DLL3: variants seen among roughly 807,000 people sequenced by gnomAD.
DLL3 encodes delta like canonical Notch ligand 3, also known as delta-like protein 3.
In DLL3, 49 loss-of-function variants were observed where a neutral mutation model predicts 55.0. That is an observed-to-expected ratio of 0.89 (90% CI 0.71 to 1.13). The LOEUF is 1.13. DLL3 is among the 50% of genes most tolerant of loss of function. DLL3 has a pLI of 0.00. For synonymous variants in DLL3, 421 were observed against 385.2 expected (o/e 1.09, Z -1.09); for missense variants, 962 against 875.5 (o/e 1.10, Z -1.25).
In DLL3 at chr19:39,500,023, C is replaced by T. The variant is rs896334377; in HGVS notation, c.351+550C>T. ...TTTTGGACAAGTGACTGCCTGGTTT[C>T]CAGCCTCAGTTTCCTAAGCTTAAAA... On this transcript the variant is annotated intron_variant, in intron 2 of 8. Coordinates refer to ENST00000356433, the MANE Select transcript of DLL3 (RefSeq NM_203486.3). Among the ~76,000 whole-genome samples, 4 of 152,198 alleles carry T rather than the reference C, an allele frequency of 2.6e-5. No homozygotes were observed. The East Asian group carries it at 7.7e-4, about 29-fold the overall frequency.
intron 6 of DLL3, among the ~76,000 whole-genome samples, chr19:39,506,640 G>A (rs932863719): frequency 6.6e-6 from 1 of 152,022 alleles, no homozygotes; most frequent in Non-Finnish European, 1.5e-5. Flanking sequence ...GGAGGAAGGA[G>A]CATCGGAGTA....
At chr19:39,503,172 T>A in intron 4 of DLL3, 115 bp downstream of exon 4, 1 of 1,150,844 alleles carries the variant, frequency 8.7e-7, no homozygotes, top group Non-Finnish European at 1.2e-6. Context: ...CAGGGTACTC[T>A]AGAGTCCCCC....
chr19:39,504,667 T>C (rs980355697), intron 5 of DLL3, among the ~76,000 whole-genome samples: 1 of 152,096 alleles, frequency 6.6e-6, no homozygotes. Context: ...AGAGAAGGCT[T>C]CCTGGAGGTG....
chr19:39,502,608 C>A (rs185307843), intron 3 of DLL3, among the ~76,000 whole-genome samples: 1 of 152,244 alleles, frequency 6.6e-6, no homozygotes, highest in East Asian at 1.9e-4. Context: ...CACGACATTG[C>A]AGGTCCCAGG....
chr19:39,504,604 G>C (rs1162581527), intron 5 of DLL3, among the ~76,000 whole-genome samples: 1 of 152,126 alleles, frequency 6.6e-6, no homozygotes, highest in African/African-American at 2.4e-5. Flanking sequence ...GTGGGTGGTG[G>C]GGCCAAATAG....
intron 5 of DLL3, 105 bp downstream of exon 5, chr19:39,504,393 G>T: frequency 7.7e-7 from 1 of 1,296,616 alleles, no homozygotes; most frequent in East Asian, 2.4e-5. Context: ...GGAGATCTGG[G>T]AATAACTATC....
Position 39,503,062 on chromosome 19 carries a change from G to GT in DLL3, c.652+6dup. Reference sequence around the variant, plus strand: ...AGGACGAATGTGAGGCGCCGCGTGAGTCCTGCGTTCGACCCCACCCCGTCC... The same window carrying GT: ...AGGACGAATGTGAGGCGCCGCGTGAGTTCCTGCGTTCGACCCCACCCCGTCC... On this transcript the variant is annotated splice_donor_region_variant and intron_variant, in intron 4 of 8. Coordinates refer to ENST00000356433, the MANE Select transcript of DLL3 (RefSeq NM_203486.3). The GT allele has an allele frequency of 2.0e-6, 3 of 1,522,838 alleles. No homozygotes were observed. Among genetic ancestry groups the GT allele is most frequent in the Non-Finnish European group, 2.6e-6 (3 of 1,141,976 alleles). The allele number at this position is 1,522,838 out of a possible 1,614,324, so 94.3% of individuals were successfully genotyped here. A position where few individuals can be genotyped will look rare whatever the true frequency, so the allele number is the denominator to read the frequency against.
chr19:39,499,418 C>T lies in DLL3; in HGVS notation c.296C>T (p.Pro99Leu). 4 of 1,589,422 alleles carry T rather than the reference C, an allele frequency of 2.5e-6. No individual in the cohort carries two copies. Among genetic ancestry groups the T allele is most frequent in the Non-Finnish European group, 2.6e-6 (3 of 1,175,508 alleles). The stretch of plus-strand genomic sequence containing the variant: ...ACCGAGCAGCCCGGAGCGCCCGCGC[C>T]TGATCTCCCACTGCCCGACGGCCTC... ...VYTEQPGAPA[P>L]DLPLPDGLLQ... The change falls in exon 2 of 9, where the codon CCT (proline) becomes CTT (leucine). Residue 99 changes from proline (P) to leucine (L), a missense_variant. Transcript: ENST00000356433.
chr19:39,506,244 TTAAG>T (rs1352970072), intron 6 of DLL3, among the ~76,000 whole-genome samples: 20 of 100,996 alleles, frequency 2.0e-4, no homozygotes, highest in African/African-American at 6.9e-4. Flanking sequence ...AAAAAAAAGA[TTAAG>T]TAAGATCATG....
Position 39,507,732 on chromosome 19 carries a change from C to T in DLL3, c.1674-98C>T, listed in dbSNP as rs1016637692. On this transcript the variant is annotated intron_variant, in intron 7 of 8. Transcript: ENST00000356433. Reference sequence around the variant, plus strand: ...TTTCCCTGGTCGGTCTCTCTTACCCCGGTAGCTGGTTTTGGGTTCCCCTTT... The same window carrying T: ...TTTCCCTGGTCGGTCTCTCTTACCCTGGTAGCTGGTTTTGGGTTCCCCTTT... 12 of 1,601,452 alleles carry T rather than the reference C, an allele frequency of 7.5e-6. No individual in the cohort carries two copies. In the African/African-American group the frequency reaches 1.5e-4, roughly 20 times the overall value.
intron 3 of DLL3, among the ~76,000 whole-genome samples, 178 bp from the exon 4 acceptor site, chr19:39,502,637 A>T (rs2079615853): frequency 1.3e-5 from 2 of 152,164 alleles, no homozygotes; most frequent in African/African-American, 4.8e-5. Context: ...GGGAGTTCGC[A>T]GCCTTGCTAA....
At chr19:39,502,391 T>G (rs932098236) in intron 3 of DLL3, among the ~76,000 whole-genome samples, 16 of 151,344 alleles carry the variant, frequency 1.1e-4, no homozygotes, top group Non-Finnish European at 1.6e-4. Flanking sequence ...GCCTCCCGAG[T>G]AGATGGGATT....
At chr19:39,501,038 C>T (rs931471917) in intron 3 of DLL3, among the ~76,000 whole-genome samples, 1 of 151,352 alleles carries the variant, frequency 6.6e-6, no homozygotes, top group Admixed American at 6.6e-5. Flanking sequence ...CTTGCTCTGT[C>T]GTCCAGGCTG....
chr19:39,508,206 GCAGAGGGGCAGCCTCT>G, intron 8 of DLL3, 30 bp from the exon 9 acceptor site: 1 of 1,614,082 alleles, frequency 6.2e-7, no homozygotes, highest in Non-Finnish European at 8.5e-7. Context: ...GGCAGGGGAG[GCAGAGGGGCAGCCTCT>G]CTAATGCTTC....
At chr19:39,502,739 T>G in intron 3 of DLL3, 76 bp from the exon 4 acceptor site, 1 of 1,283,548 alleles carries the variant, frequency 7.8e-7, no homozygotes, top group African/African-American at 1.6e-5. Context: ...GCGGGGAGAA[T>G]GCGGCCGGGG....
chr19:39,503,122 C>T, intron 4 of DLL3, 65 bp downstream of exon 4: 4 of 1,480,264 alleles, frequency 2.7e-6, no homozygotes, highest in Non-Finnish European at 3.6e-6. Context: ...GAGCGTCACT[C>T]GCGGCCCCCA....
Position 39,507,160 on chromosome 19 carries a change from G to C in DLL3, c.1215G>C (p.Thr405=). The change falls in exon 7 of 9, where the codon ACG becomes ACC. Residue 405 remains threonine (T), a synonymous_variant. Coordinates refer to ENST00000356433, the MANE Select transcript of DLL3 (RefSeq NM_203486.3). ...GCCGCGCCTGCGCTAACGGCGGCAC[G>C]TGTGTGGAGGGCGGCGGCGCGCACC... ...CAGRACANGG[T]CVEGGGAHRC... 2 of 1,434,648 alleles carry C rather than the reference G, an allele frequency of 1.4e-6. No homozygotes were observed. The highest frequency in any genetic ancestry group is 1.4e-5 in the South Asian group (1 of 70,582). The allele number at this position is 1,434,648 out of a possible 1,614,324, so 88.9% of individuals were successfully genotyped here.
At position 39,499,059 on chromosome 19, in the gene DLL3, G is replaced by C; in HGVS notation, c.69+16G>C. 6.2e-7 allele frequency: 1 copy of C among 1,614,144 alleles called. No homozygotes were observed. Among genetic ancestry groups the C allele is most frequent in the Non-Finnish European group, 8.5e-7 (1 of 1,180,040 alleles). On this transcript the variant is annotated intron_variant, in intron 1 of 8. Transcript: ENST00000356433. Reference sequence around the variant, plus strand: ...CCTCCCCCAGGTCAGAGCCAGGTGGGAGGTGGCGTGGAAAGGGATGAATGC... The same window carrying C: ...CCTCCCCCAGGTCAGAGCCAGGTGGCAGGTGGCGTGGAAAGGGATGAATGC...
In DLL3 at chr19:39,508,392, T is replaced by C. The variant is rs1439413443; in HGVS notation, c.*135T>C. On this transcript the variant is annotated 3_prime_UTR_variant, in exon 9 of 9. Coordinates refer to ENST00000356433, the MANE Select transcript of DLL3 (RefSeq NM_203486.3). The stretch of plus-strand genomic sequence containing the variant: ...GGGGGAACTTTACTGTTGCAAGTTG[T>C]AAATAATGGTTATTTATATCCTATT... The C allele has an allele frequency of 9.4e-6, 9 of 953,538 alleles. No homozygotes were observed. Among genetic ancestry groups the C allele is most frequent in the Non-Finnish European group, 1.5e-5 (9 of 597,814 alleles). The allele number at this position is 953,538 out of a possible 1,614,324, so 59.1% of individuals were successfully genotyped here. A position where few individuals can be genotyped will look rare whatever the true frequency, so the allele number is the denominator to read the frequency against.
Sources: gnomAD v4.1 joint callset for allele counts (sites outside exome capture counted in the v4.1 genomes callset) on GRCh38, gnomAD v4.1.1 for gene constraint, MANE v1.5 for transcripts, NCBI Gene and HGNC (gene_info 2026-07-23, HGNC 2026-07-21) for gene names.